The following ATRX variants were observed in gnomAD, a reference collection of about 807,000 sequenced individuals.
The protein encoded by ATRX is ATRX chromatin remodeler, also known as chromatin remodeler ATRX.
Under a neutral mutation model 172.6 loss-of-function variants are expected in ATRX, and 12 were observed. The observed-to-expected ratio is 0.07, with a 90% confidence interval of 0.04 to 0.11. The LOEUF (loss-of-function observed/expected upper bound fraction) is 0.11. Ranked by LOEUF, ATRX falls within the 10% of genes least tolerant of loss-of-function variation. The pLI is 1.00. For synonymous variants in ATRX, 674 were observed against 594.7 expected, an observed-to-expected ratio of 1.13 and a Z score of -1.94; for missense variants, 1,368 against 1,767.4, an observed-to-expected ratio of 0.77 and a Z score of 4.05.
intron 9 of ATRX, 91 bp from the exon 10 acceptor site, chrX:77,676,389 A>C: frequency 1.2e-6 from 1 of 817,000 alleles, no homozygotes; most frequent in Non-Finnish European, 1.8e-6. Flanking sequence ...AAAACTTTAA[A>C]GCAAACTAAG....
intron 22 of ATRX, among the ~76,000 whole-genome samples, chrX:77,608,960 C>A (rs1225886500): frequency 8.9e-6 from 1 of 111,999 alleles, no homozygotes; most frequent in Non-Finnish European, 1.9e-5. Flanking sequence ...CAAAAGAAGA[C>A]ATGCAAATGG....
intron 1 of ATRX, among the ~76,000 whole-genome samples, chrX:77,778,925 T>C (rs2076464270): frequency 9.4e-6 from 1 of 106,415 alleles, no homozygotes; most frequent in African/African-American, 3.4e-5. Context: ...TCAAATGCTA[T>C]CTCTCTTTTT....
At chrX:77,542,368 A>G (rs981187453) in intron 30 of ATRX, among the ~76,000 whole-genome samples, 1 of 112,033 alleles carries the variant, frequency 8.9e-6, no homozygotes, top group South Asian at 3.7e-4. Flanking sequence ...GGAAGAATCA[A>G]TATCGTGAAA....
rs369794399 is a variant in ATRX, at chrX:77,558,885, G to A, written c.6327-39C>T. ...TATAGAATAAATGCTTCAGTAATTA[G>A]TACTTTACAAATATTTTAATTACAA... On this transcript the variant is annotated intron_variant, in intron 28 of 34. Transcript: ENST00000373344. 4.8e-6 allele frequency: 5 copies of A among 1,047,753 alleles called. No homozygotes were observed. In the African/African-American group the frequency reaches 9.4e-5, roughly 20 times the overall value. 86.3% of individuals were successfully genotyped at this position (1,047,753 alleles called of 1,213,427 possible).
At chrX:77,726,042 A>C (rs782634915) in intron 1 of ATRX, among the ~76,000 whole-genome samples, 13 of 111,995 alleles carry the variant, frequency 1.2e-4, no homozygotes, top group Admixed American at 1.1e-3. Flanking sequence ...AAACTAGTTC[A>C]ACCATTGTGG....
chrX:77,522,315 T>C lies in ATRX; in HGVS notation c.6923A>G (p.Tyr2308Cys). The C allele has an allele frequency of 1.7e-6, 2 of 1,210,591 alleles. No homozygotes were observed. Among genetic ancestry groups the C allele is most frequent in the Non-Finnish European group, 2.2e-6 (2 of 894,566 alleles). Residue 2308 changes from tyrosine to cysteine, a missense_variant, in exon 32 of 35, where the codon TAT (tyrosine) becomes TGT (cysteine). Tyr to Cys is a radical substitution (Grantham distance 194). Transcript: ENST00000373344. ...PPVSFNSQTP[Y>C]IPFNLGALSA... ...CAGGGCTCCCAAATTGAAAGGAATA[T>C]AAGGAGTTTGAGAGTTGAAACTGAC...
chrX:77,648,302 C>A (rs1201250242), intron 15 of ATRX, among the ~76,000 whole-genome samples: 2 of 111,319 alleles, frequency 1.8e-5, no homozygotes, highest in Non-Finnish European at 3.8e-5. Flanking sequence ...CACCCAACAA[C>A]AGCAGAATAT....
At chrX:77,508,739 C>A in intron 34 of ATRX, 110 bp from the exon 35 acceptor site, 1 of 840,271 alleles carries the variant, frequency 1.2e-6, no homozygotes. Context: ...AAAAGGAAAA[C>A]ACATTATTGT....
At chrX:77,678,165 T>G (rs782485902) in intron 9 of ATRX, among the ~76,000 whole-genome samples, 339 of 106,614 alleles carry the variant, frequency 3.2e-3, no homozygotes, top group African/African-American at 0.011. Context: ...GGGATTGCAG[T>G]GAGCCGAGAT....
At chrX:77,737,344 A>T (rs189951463) in intron 1 of ATRX, among the ~76,000 whole-genome samples, 1 of 97,574 alleles carries the variant, frequency 1.0e-5, no homozygotes, top group African/African-American at 3.8e-5. Context: ...AATCATTTGA[A>T]CCCAGGAGGC....
chrX:77,601,509 TTA>T (rs1257030730), intron 22 of ATRX, among the ~76,000 whole-genome samples: 2 of 107,980 alleles, frequency 1.9e-5, no homozygotes, highest in African/African-American at 6.7e-5. Context: ...CTTCCAAAAA[TTA>T]TGTTTTTGAT....
intron 15 of ATRX, 142 bp from the exon 16 acceptor site, chrX:77,636,198 C>A: frequency 1.7e-6 from 1 of 594,081 alleles, no homozygotes; most frequent in Non-Finnish European, 2.7e-6. Flanking sequence ...GATCTGTGTC[C>A]CCACCAAATC....
chrX:77,605,136 T>C lies in ATRX; in HGVS notation c.5567-4572A>G, dbSNP rs782697681. 8.0e-5 allele frequency among the ~76,000 whole-genome samples: 9 copies of C among 112,522 alleles called. No homozygotes were observed. In the South Asian group the frequency reaches 3.3e-3, roughly 42 times the overall value. ...CAAAATTACACATGTACCCCATAAA[T>C]TTATACGAATAAAATTAAGATGGCT... On this transcript the variant is annotated intron_variant, in intron 22 of 34. Coordinates refer to ENST00000373344, the MANE Select transcript of ATRX (RefSeq NM_000489.6).
rs2066085578 is a variant in ATRX at position 77,587,812 on chromosome X, GAAAT to G, written c.6217+2018_6217+2021del. Reference sequence around the variant, plus strand: ...ACTCTGCAAACTATAAAATATTGGTGAAATAAATAAGAGACCTAAATAAACAGCA... The same window carrying G: ...ACTCTGCAAACTATAAAATATTGGTGAAATAAGAGACCTAAATAAACAGCA... On this transcript the variant is annotated intron_variant, in intron 27 of 34. Transcript: ENST00000373344. Among the ~76,000 whole-genome samples the G allele has an allele frequency of 2.7e-5, 3 of 112,281 alleles. No homozygotes were observed. In the South Asian group the frequency reaches 1.1e-3, roughly 41 times the overall value.
intron 10 of ATRX, among the ~76,000 whole-genome samples, chrX:77,667,292 A>AAT (rs1365209662): frequency 1.6e-4 from 10 of 62,779 alleles, no homozygotes; most frequent in East Asian, 5.5e-4. Flanking sequence ...GGGACGAATA[A>AAT]ATATGTGTGT....
At chrX:77,525,060 T>C (rs1200527356) in intron 30 of ATRX, among the ~76,000 whole-genome samples, 1 of 112,028 alleles carries the variant, frequency 8.9e-6, no homozygotes, top group Non-Finnish European at 1.9e-5. Flanking sequence ...TGTGTGCTAT[T>C]TCCTTTGTTG....
chrX:77,563,480 C>G (rs1569523755), intron 28 of ATRX, among the ~76,000 whole-genome samples: 1 of 111,890 alleles, frequency 8.9e-6, no homozygotes, highest in East Asian at 2.8e-4. Flanking sequence ...AAGTCCTGTT[C>G]AAGTTTTTGC....
chrX:77,664,907 A>C (rs1278129424), intron 10 of ATRX, 129 bp from the exon 11 acceptor site: 1 of 667,141 alleles, frequency 1.5e-6, no homozygotes, highest in Non-Finnish European at 2.2e-6. Context: ...TATTGTAAAT[A>C]AACAACTAGC....
intron 2 of ATRX, among the ~76,000 whole-genome samples, chrX:77,710,856 GATGAACT>G (rs1306602685): frequency 9.1e-6 from 1 of 109,653 alleles, no homozygotes; most frequent in Non-Finnish European, 1.9e-5. Flanking sequence ...ATCCTGTGTT[GATGAACT>G]ATTCTGTATC....
Sources: allele counts gnomAD v4.1 joint callset (sites outside exome capture counted in the v4.1 genomes callset), GRCh38; gene constraint gnomAD v4.1.1; transcripts MANE v1.5; gene names NCBI Gene and HGNC (gene_info 2026-07-23, HGNC 2026-07-21).